RBFOX1: variants seen among roughly 807,000 people sequenced by gnomAD.
RBFOX1 encodes the protein RNA binding protein fox-1 homolog 1.
RBFOX1 carries 8 observed loss-of-function variants against 57.7 expected under a neutral mutation model. The ratio of observed to expected loss-of-function variants is 0.14; its 90% CI spans 0.08 to 0.25. RBFOX1 has a LOEUF of 0.25. RBFOX1 is among the 10% of genes least tolerant of loss of function. The probability of loss-of-function intolerance (pLI) is 1.00; values close to 1 mark genes in which losing one functional copy is unlikely to be tolerated. For synonymous variants in RBFOX1, 326 were observed against 222.4 expected (o/e 1.47, Z -4.15); for missense variants, 611 against 548.5 (o/e 1.11, Z -1.14).
At chr16:6,775,315 G>A (rs185725954) in intron 3 of RBFOX1, among the ~76,000 whole-genome samples, 1 of 130,930 alleles carries the variant, frequency 7.6e-6, no homozygotes, top group East Asian at 2.2e-4. Context: ...GGGCGATACA[G>A]CGAGACTCTG....
intron 4 of RBFOX1, among the ~76,000 whole-genome samples, chr16:7,456,410 G>A (rs569463135): frequency 6.6e-6 from 1 of 152,324 alleles, no homozygotes; most frequent in East Asian, 1.9e-4. Flanking sequence ...TATGGGCCGG[G>A]ATTAATTCCA....
chr16:6,106,864 G>C lies in RBFOX1; in HGVS notation c.-127+86872G>C, dbSNP rs374510574. Among the ~76,000 whole-genome samples the C allele has an allele frequency of 3.9e-5, 6 of 152,020 alleles. 2 individuals are homozygous for C. Among genetic ancestry groups the C allele is most frequent in the Admixed American group, 1.3e-4 (2 of 15,258 alleles). ...TTTTTCGGATTTCTAGTAGAGACGG[G>C]GTTTCACTGTGTTAGCCAGGATGGT... is the stretch of plus-strand genomic sequence containing the variant. On this transcript the variant is annotated intron_variant, in intron 1 of 15. Transcript: ENST00000550418.
At chr16:6,216,928 G>C (rs1734680770) in intron 1 of RBFOX1, among the ~76,000 whole-genome samples, 1 of 151,016 alleles carries the variant, frequency 6.6e-6, no homozygotes, top group South Asian at 2.1e-4. Context: ...CTGGTCTTCT[G>C]TTCTTTCTAC....
At chr16:5,425,409 G>C (rs528352248) in intron 1 of RBFOX1, among the ~76,000 whole-genome samples, 22 of 152,180 alleles carry the variant, frequency 1.4e-4, no homozygotes, top group Admixed American at 3.3e-4. Flanking sequence ...CGGCCAGCAT[G>C]TGTGTTTTCT....
chr16:6,995,139 A>C (rs1333446335), intron 3 of RBFOX1, among the ~76,000 whole-genome samples: 1 of 152,156 alleles, frequency 6.6e-6, no homozygotes, highest in Non-Finnish European at 1.5e-5. Context: ...AATTTAGGCT[A>C]ATATCTCAAT....
chr16:6,730,401 G>A (rs565169859), intron 3 of RBFOX1, among the ~76,000 whole-genome samples: 1 of 151,922 alleles, frequency 6.6e-6, no homozygotes, highest in Non-Finnish European at 1.5e-5. Flanking sequence ...TATCATCTGT[G>A]CATCTGTCAT....
At chr16:5,844,385 C>A (rs773388905) in intron 3 of RBFOX1, among the ~76,000 whole-genome samples, 2 of 152,176 alleles carry the variant, frequency 1.3e-5, no homozygotes, top group African/African-American at 4.8e-5. Flanking sequence ...AGTCTCCCAT[C>A]CCACAAGGGT....
chr16:7,470,724 A>G (rs2061409777), intron 4 of RBFOX1, among the ~76,000 whole-genome samples: 1 of 152,096 alleles, frequency 6.6e-6, no homozygotes, highest in Admixed American at 6.6e-5. Flanking sequence ...AGATGAATAT[A>G]TCCAGAGGAT....
intron 2 of RBFOX1, among the ~76,000 whole-genome samples, chr16:5,567,500 C>T (rs1442145311): frequency 6.6e-6 from 1 of 152,042 alleles, no homozygotes; most frequent in East Asian, 1.9e-4. Context: ...CCACCTGCCC[C>T]TGGTCATAGG....
chr16:6,085,150 C>G (rs1004922312), intron 1 of RBFOX1, among the ~76,000 whole-genome samples: 2 of 152,152 alleles, frequency 1.3e-5, no homozygotes, highest in African/African-American at 4.8e-5. Flanking sequence ...TGTGCATGTT[C>G]TTCCTCCACA....
At chr16:5,871,844 A>T (rs1310660919) in intron 4 of RBFOX1, among the ~76,000 whole-genome samples, 3 of 152,194 alleles carry the variant, frequency 2.0e-5, no homozygotes, top group African/African-American at 7.2e-5. Flanking sequence ...ATTTTGATAA[A>T]TTGGCCTGCT....
At chr16:6,210,082 C>G (rs1020425064) in intron 1 of RBFOX1, among the ~76,000 whole-genome samples, 11 of 151,820 alleles carry the variant, frequency 7.2e-5, no homozygotes, top group African/African-American at 2.7e-4. Context: ...CTTTGGGAGG[C>G]TGAGACCGGT....
chr16:5,641,072 T>TAC (rs538058958), intron 3 of RBFOX1, among the ~76,000 whole-genome samples: 3,690 of 141,532 alleles, frequency 0.026, 148 homozygotes, highest in African/African-American at 0.092. Flanking sequence ...ATGCACACCA[T>TAC]ACACACACAC....
chr16:5,521,023 C>T (rs1289754020), intron 2 of RBFOX1, among the ~76,000 whole-genome samples: 6 of 152,290 alleles, frequency 3.9e-5, no homozygotes, highest in African/African-American at 1.4e-4. Context: ...TGGGGGACAT[C>T]TGTTAGGTTA....
chr16:6,653,262 A>G (rs1274022885), intron 2 of RBFOX1, among the ~76,000 whole-genome samples: 1 of 151,934 alleles, frequency 6.6e-6, no homozygotes, highest in Non-Finnish European at 1.5e-5. Flanking sequence ...ATTTTTCTTC[A>G]TAGTACATAT....
intron 4 of RBFOX1, among the ~76,000 whole-genome samples, chr16:5,886,977 T>C (rs1029351602): frequency 5.9e-5 from 9 of 152,196 alleles, no homozygotes; most frequent in Admixed American, 3.9e-4. Flanking sequence ...ACTATTGACA[T>C]TCTGGGCCAG....
chr16:7,493,915 G>A (rs1306406609), intron 4 of RBFOX1, among the ~76,000 whole-genome samples: 1 of 152,152 alleles, frequency 6.6e-6, no homozygotes, highest in African/African-American at 2.4e-5. Flanking sequence ...CTTGGTTTTA[G>A]TTTGGGTTCT....
At chr16:7,240,622 A>C (rs1023506296) in intron 4 of RBFOX1, among the ~76,000 whole-genome samples, 4 of 152,036 alleles carry the variant, frequency 2.6e-5, no homozygotes, top group Non-Finnish European at 4.4e-5. Flanking sequence ...TGGTATGATC[A>C]CAGCTCACTG....
intron 1 of RBFOX1, among the ~76,000 whole-genome samples, chr16:6,082,181 T>A (rs1165174608): frequency 7.2e-6 from 1 of 138,954 alleles, no homozygotes; most frequent in Non-Finnish European, 1.6e-5. Flanking sequence ...CAGTGCTTTT[T>A]TTTTTTTTTT....
Sources: gnomAD v4.1 joint callset for allele counts (sites outside exome capture counted in the v4.1 genomes callset) on GRCh38, gnomAD v4.1.1 for gene constraint, MANE v1.5 for transcripts, NCBI Gene and HGNC (gene_info 2026-07-23, HGNC 2026-07-21) for gene names.